The following CSMD1 variants were observed in gnomAD, a reference collection of about 807,000 sequenced individuals.
CSMD1 encodes the protein CUB and sushi domain-containing protein 1.
CSMD1 carries 213 observed loss-of-function variants against 417.5 expected under a neutral mutation model. The ratio of observed to expected loss-of-function variants is 0.51; its 90% CI spans 0.46 to 0.57. CSMD1 has a LOEUF of 0.57. Among genes scored for constraint, CSMD1 ranks in the 20% least tolerant of loss-of-function variants. The pLI is 0.00. For synonymous variants in CSMD1, 2,862 were observed against 1,736.8 expected, an observed-to-expected ratio of 1.65 and a Z score of -16.11; for missense variants, 6,923 against 4,529.7, an observed-to-expected ratio of 1.53 and a Z score of -15.17.
At chr8:3,771,008 G>A (rs1303243630) in intron 5 of CSMD1, among the ~76,000 whole-genome samples, 1 of 112,820 alleles carries the variant, frequency 8.9e-6, no homozygotes, top group Admixed American at 9.5e-5. Flanking sequence ...CTCTCTCTCT[G>A]TCAGTGTGTC....
At chr8:4,137,948 G>T (rs1311061572) in intron 3 of CSMD1, among the ~76,000 whole-genome samples, 1 of 151,114 alleles carries the variant, frequency 6.6e-6, no homozygotes, top group Non-Finnish European at 1.5e-5. Flanking sequence ...CGCAATCTCG[G>T]CTCACTGCAA....
At chr8:3,601,713 A>G (rs373938675) in intron 8 of CSMD1, among the ~76,000 whole-genome samples, 1 of 152,328 alleles carries the variant, frequency 6.6e-6, no homozygotes, top group East Asian at 1.9e-4. Flanking sequence ...TATAGGAACA[A>G]TATTAAAGCA....
intron 21 of CSMD1, among the ~76,000 whole-genome samples, chr8:3,356,086 C>G (rs1475293713): frequency 6.6e-6 from 1 of 152,172 alleles, no homozygotes; most frequent in African/African-American, 2.4e-5. Flanking sequence ...ACTAGAAATT[C>G]CATTTAAGTC....
intron 5 of CSMD1, among the ~76,000 whole-genome samples, chr8:3,840,328 C>G (rs76300167): frequency 1.3e-5 from 2 of 152,118 alleles, no homozygotes; most frequent in Admixed American, 1.3e-4. Context: ...TCTCGCTGTC[C>G]TGTTAACAGA....
intron 3 of CSMD1, among the ~76,000 whole-genome samples, chr8:4,212,865 A>C (rs1266532853): frequency 6.7e-6 from 1 of 149,176 alleles, no homozygotes; most frequent in Non-Finnish European, 1.5e-5. Context: ...TTTCCATCCT[A>C]CAGGAAGATG....
chr8:4,821,063 G>A (rs1688377036), intron 1 of CSMD1, among the ~76,000 whole-genome samples: 1 of 152,002 alleles, frequency 6.6e-6, no homozygotes, highest in Non-Finnish European at 1.5e-5. Context: ...AATGTGGAGG[G>A]GAAAGAGATC....
intron 1 of CSMD1, among the ~76,000 whole-genome samples, chr8:4,852,473 C>T (rs980199364): frequency 6.6e-6 from 1 of 152,080 alleles, no homozygotes; most frequent in African/African-American, 2.4e-5. Context: ...GAGGCCTCAC[C>T]AGTTGAGGCC....
intron 6 of CSMD1, among the ~76,000 whole-genome samples, chr8:3,709,569 G>A (rs1235124956): frequency 6.6e-6 from 1 of 151,880 alleles, no homozygotes; most frequent in East Asian, 1.9e-4. Context: ...TCTCCCCAGT[G>A]TGGGTGGGCC....
chr8:4,522,059 C>A (rs947683752), intron 2 of CSMD1, among the ~76,000 whole-genome samples: 2 of 152,032 alleles, frequency 1.3e-5, no homozygotes, highest in African/African-American at 4.8e-5. Context: ...GTGTCCCCAC[C>A]CAAATCTCAT....
chr8:4,910,852 T>A (rs1805619459), intron 1 of CSMD1, among the ~76,000 whole-genome samples: 1 of 152,158 alleles, frequency 6.6e-6, no homozygotes, highest in Non-Finnish European at 1.5e-5. Flanking sequence ...TTTGGCTGTG[T>A]CCCCACCCAA....
intron 16 of CSMD1, among the ~76,000 whole-genome samples, chr8:3,398,930 T>A (rs540807634): frequency 2.0e-5 from 3 of 152,218 alleles, no homozygotes; most frequent in African/African-American, 7.2e-5. Context: ...TAGTTGGTGA[T>A]TGATCTGCTG....
intron 10 of CSMD1, among the ~76,000 whole-genome samples, chr8:3,550,520 T>A (rs1334936484): frequency 6.6e-6 from 1 of 152,180 alleles, no homozygotes; most frequent in Non-Finnish European, 1.5e-5. Context: ...ATATAAGGTG[T>A]AGTGATTCAC....
At chr8:4,084,683 C>T (rs935133345) in intron 3 of CSMD1, among the ~76,000 whole-genome samples, 2 of 151,990 alleles carry the variant, frequency 1.3e-5, no homozygotes, top group Non-Finnish European at 2.9e-5. Context: ...AAAGCACTAG[C>T]AATAGAGGCA....
Position 4,483,030 on chromosome 8 carries a change from A to T in CSMD1, c.303-62965T>A, listed in dbSNP as rs558512980. Among the ~76,000 whole-genome samples the T allele has an allele frequency of 5.0e-4, 76 of 152,256 alleles. 1 individual carries two copies. The highest frequency in any genetic ancestry group is 1.8e-3 in the African/African-American group (74 of 41,546). On this transcript the variant is annotated intron_variant, in intron 2 of 69. Coordinates refer to ENST00000635120, the MANE Select transcript of CSMD1 (RefSeq NM_033225.6). Reference sequence around the variant, plus strand: ...TTGATTGGTTTGGCTCTGCGTCCCCACCGAAATCTCATCTTGGATTGGACT... The same window carrying T: ...TTGATTGGTTTGGCTCTGCGTCCCCTCCGAAATCTCATCTTGGATTGGACT...
intron 1 of CSMD1, among the ~76,000 whole-genome samples, chr8:4,781,413 C>T (rs752850349): frequency 4.6e-5 from 7 of 152,180 alleles, no homozygotes; most frequent in Admixed American, 6.5e-5. Context: ...TCCAAGAATG[C>T]TTACTGTCAG....
chr8:4,788,642 G>A (rs760531903), intron 1 of CSMD1: 120 of 734,218 alleles, frequency 1.6e-4, no homozygotes, highest in Non-Finnish European at 2.5e-4. Context: ...TAATTTAGCT[G>A]AAGGAAAATC....
Position 4,132,308 on chromosome 8 carries a change from G to A in CSMD1, c.416-100209C>T, listed in dbSNP as rs576873199. 2.7e-4 allele frequency among the ~76,000 whole-genome samples: 41 copies of A among 150,434 alleles called. No individual in the cohort carries two copies. In the South Asian group the frequency reaches 4.2e-3, roughly 15 times the overall value. On this transcript the variant is annotated intron_variant, in intron 3 of 69. Transcript: ENST00000635120. ...TGTTTATTCTCTGAAGGTAAACTCA[G>A]ACTGAGCAAGACACAAAGGAGAATA...
chr8:4,651,352 A>G (rs1027572690), intron 1 of CSMD1, among the ~76,000 whole-genome samples: 2 of 152,170 alleles, frequency 1.3e-5, no homozygotes, highest in Non-Finnish European at 2.9e-5. Flanking sequence ...AGCGTTGAAT[A>G]TTCAAGCAGA....
intron 2 of CSMD1, among the ~76,000 whole-genome samples, chr8:4,541,070 AT>A: frequency 6.6e-6 from 1 of 152,338 alleles, no homozygotes; most frequent in South Asian, 2.1e-4. Context: ...CTCTAAGGAC[AT>A]TTTTGTGTTT....
Sources: gnomAD v4.1 joint callset for allele counts (sites outside exome capture counted in the v4.1 genomes callset) on GRCh38, gnomAD v4.1.1 for gene constraint, MANE v1.5 for transcripts, NCBI Gene and HGNC (gene_info 2026-07-23, HGNC 2026-07-21) for gene names.